PRKG2: variants seen among roughly 807,000 people sequenced by gnomAD.
PRKG2 encodes protein kinase cGMP-dependent 2.
PRKG2 carries 33 observed loss-of-function variants against 97.2 expected under a neutral mutation model. That is an observed-to-expected ratio of 0.34 (90% CI 0.26 to 0.45). The LOEUF is 0.45. Among genes scored for constraint, PRKG2 ranks in the 20% least tolerant of loss-of-function variants. The probability of loss-of-function intolerance (pLI) is 1.00; values close to 1 mark genes in which losing one functional copy is unlikely to be tolerated. For synonymous variants in PRKG2, 330 were observed against 321.8 expected, an observed-to-expected ratio of 1.03 and a Z score of -0.27; for missense variants, 638 against 900.0, an observed-to-expected ratio of 0.71 and a Z score of 3.73.
At chr4:81,174,279 A>G (rs1750731531) in intron 3 of PRKG2, among the ~76,000 whole-genome samples, 1 of 152,120 alleles carries the variant, frequency 6.6e-6, no homozygotes, top group Non-Finnish European at 1.5e-5. Context: ...AAACCAAAAC[A>G]TCTTCCAGAA....
At chr4:81,143,447 G>A (rs958007100) in intron 10 of PRKG2, among the ~76,000 whole-genome samples, 1 of 152,138 alleles carries the variant, frequency 6.6e-6, no homozygotes, top group African/African-American at 2.4e-5. Flanking sequence ...TTGCATGGCT[G>A]AACCAAAATA....
chr4:81,170,656 A>G (rs1750382097), intron 4 of PRKG2, among the ~76,000 whole-genome samples: 1 of 152,286 alleles, frequency 6.6e-6, no homozygotes, highest in African/African-American at 2.4e-5. Context: ...ACACTGAAAA[A>G]CATCATATCT....
At chr4:81,127,999 C>T (rs188134929) in intron 14 of PRKG2, among the ~76,000 whole-genome samples, 8 of 152,168 alleles carry the variant, frequency 5.3e-5, no homozygotes, top group East Asian at 3.9e-4. Flanking sequence ...TTTTGAGATA[C>T]GTTCCATTAA....
rs1185079815 is a variant in PRKG2, at chr4:81,089,198, A to G, written c.*510T>C. On this transcript the variant is annotated 3_prime_UTR_variant, in exon 19 of 19. Transcript: ENST00000264399. The stretch of plus-strand genomic sequence containing the variant: ...TTCAGGTTAAAAGCAGGTGAAAGTC[A>G]GGAGGTTCTGTTGGCTACCATGGTT... 6.6e-6 allele frequency: 1 copy of G among 152,296 alleles called. No individual in the cohort carries two copies. Among genetic ancestry groups the G allele is most frequent in the Non-Finnish European group, 1.5e-5 (1 of 68,136 alleles). The allele number at this position is 152,296 out of a possible 1,614,324, so 9.4% of individuals were successfully genotyped here. A position where few individuals can be genotyped will look rare whatever the true frequency, so the allele number is the denominator to read the frequency against.
At chr4:81,147,552 T>C (rs930696360) in intron 9 of PRKG2, among the ~76,000 whole-genome samples, 2 of 152,118 alleles carry the variant, frequency 1.3e-5, no homozygotes, top group Non-Finnish European at 2.9e-5. Context: ...TAAATCCCTT[T>C]TCCACACCTA....
In PRKG2 at chr4:81,171,844, C is replaced by T. The variant is rs143888367; in HGVS notation, c.629-40G>A. On this transcript the variant is annotated intron_variant, in intron 3 of 18. Coordinates refer to ENST00000264399, the MANE Select transcript of PRKG2 (RefSeq NM_006259.3). ...TTTAAAAAACACACACACAAATAATCGAAATCCGTGTAGATACTATAAATT... is the reference window on the plus strand; with the variant it reads ...TTTAAAAAACACACACACAAATAATTGAAATCCGTGTAGATACTATAAATT... 2.4e-3 allele frequency: 3,307 copies of T among 1,389,662 alleles called. 53 individuals are homozygous for T. The African/African-American group carries it at 0.039, about 16-fold the overall frequency. The allele number at this position is 1,389,662 out of a possible 1,614,324, so 86.1% of individuals were successfully genotyped here.
intron 14 of PRKG2, among the ~76,000 whole-genome samples, chr4:81,130,767 G>C (rs1431439181): frequency 2.0e-5 from 3 of 152,094 alleles, no homozygotes. Flanking sequence ...ACTTCCCCGC[G>C]GCTTTGTTTA....
chr4:81,214,607 C>A (rs1214560568), intron 1 of PRKG2, among the ~76,000 whole-genome samples: 1 of 152,160 alleles, frequency 6.6e-6, no homozygotes, highest in African/African-American at 2.4e-5. Context: ...TAGCTCGGAG[C>A]AACAGCCTCC....
At chr4:81,195,843 T>G (rs1014775211) in intron 2 of PRKG2, among the ~76,000 whole-genome samples, 3 of 152,204 alleles carry the variant, frequency 2.0e-5, no homozygotes, top group Non-Finnish European at 4.4e-5. Flanking sequence ...TGTACAAGAT[T>G]TTTTATGCAT....
chr4:81,145,147 G>A (rs934748839), intron 9 of PRKG2, among the ~76,000 whole-genome samples: 1 of 152,006 alleles, frequency 6.6e-6, no homozygotes, highest in African/African-American at 2.4e-5. Context: ...TGGGTCAAAT[G>A]GTATTTCTAG....
Position 81,148,937 on chromosome 4 carries a change from TG to T in PRKG2, c.1100del (p.Ser367Ter). 1 of 1,613,772 alleles carries T rather than the reference TG, an allele frequency of 6.2e-7. No individual in the cohort carries two copies. The highest frequency in any genetic ancestry group is 8.5e-7 in the Non-Finnish European group (1 of 1,179,686). On this transcript the variant is annotated frameshift_variant, in exon 9 of 19. Transcript: ENST00000264399. LOFTEE classifies it high-confidence loss of function. ...CATTTTCTTCAGCAATAATGTTAGC[TG>T]ACCTGACATCATCACTGCAAACAAA... is the stretch of plus-strand genomic sequence containing the variant. Reference protein sequence around the residue: ...EKALISDDVRSANIIAEENDV... With the variant: ...EKALISDDVRXANIIAEENDV...
chr4:81,144,388 C>T, intron 9 of PRKG2, 58 bp from the exon 10 acceptor site: 7 of 1,366,172 alleles, frequency 5.1e-6, no homozygotes, highest in Non-Finnish European at 7.3e-6. Flanking sequence ...GGCAACTTGA[C>T]ATTCTTCTAA....
chr4:81,187,110 C>T (rs1241342465), intron 2 of PRKG2, among the ~76,000 whole-genome samples: 5 of 152,294 alleles, frequency 3.3e-5, no homozygotes, highest in Admixed American at 2.6e-4. Flanking sequence ...AGGGACTCCT[C>T]CCTAACTCAT....
At chr4:81,190,131 G>A (rs376101322) in intron 2 of PRKG2, among the ~76,000 whole-genome samples, 2 of 152,120 alleles carry the variant, frequency 1.3e-5, no homozygotes, top group African/African-American at 4.8e-5. Context: ...ACAATCCTAA[G>A]CAAAAAGAAC....
intron 15 of PRKG2, 102 bp from the exon 16 acceptor site, chr4:81,106,037 C>A: frequency 7.6e-7 from 1 of 1,322,158 alleles, no homozygotes; most frequent in Non-Finnish European, 1.0e-6. Flanking sequence ...TCCCTTCTTT[C>A]ATTTCTTCCT....
chr4:81,102,658 C>T (rs1742918895), intron 17 of PRKG2, among the ~76,000 whole-genome samples: 1 of 152,074 alleles, frequency 6.6e-6, no homozygotes, highest in South Asian at 2.1e-4. Context: ...CCTATGTTTC[C>T]TCCCTCCCTT....
intron 14 of PRKG2, among the ~76,000 whole-genome samples, chr4:81,120,670 T>G (rs1744991087): frequency 6.6e-6 from 1 of 152,214 alleles, no homozygotes; most frequent in African/African-American, 2.4e-5. Context: ...CTGTAAGTGC[T>G]TTTTAGTTCC....
intron 15 of PRKG2, among the ~76,000 whole-genome samples, chr4:81,106,770 A>T (rs775902158): frequency 6.6e-6 from 1 of 152,180 alleles, no homozygotes; most frequent in Non-Finnish European, 1.5e-5. Flanking sequence ...GAGGTAATTA[A>T]ATCAGAAGGG....
intron 14 of PRKG2, among the ~76,000 whole-genome samples, chr4:81,123,581 T>C (rs892020473): frequency 6.6e-6 from 1 of 152,172 alleles, no homozygotes; most frequent in Admixed American, 6.5e-5. Context: ...ATTTTTTGTA[T>C]TTTTAGTAGA....
Sources: gnomAD v4.1 joint callset for allele counts (sites outside exome capture counted in the v4.1 genomes callset) on GRCh38, gnomAD v4.1.1 for gene constraint, MANE v1.5 for transcripts, NCBI Gene and HGNC (gene_info 2026-07-23, HGNC 2026-07-21) for gene names.